Variants in SEC22C observed in about 807,000 individuals in gnomAD.
The protein encoded by SEC22C is SEC22 homolog C, vesicle trafficking protein.
SEC22C carries 29 observed loss-of-function variants against 34.7 expected under a neutral mutation model. The ratio of observed to expected loss-of-function variants is 0.84; its 90% confidence interval spans 0.62 to 1.14. The LOEUF is 1.14. SEC22C is among the 50% of genes most tolerant of loss of function. The pLI, the probability that SEC22C is intolerant of heterozygous loss-of-function variation, is 0.00. For synonymous variants in SEC22C, 117 were observed against 132.8 expected (o/e 0.88, Z 0.82); for missense variants, 337 against 369.0 (o/e 0.91, Z 0.71).
rs1702263391 is a variant in SEC22C at position 42,551,622 on chromosome 3, G to A, written c.*1626C>T. 3.4e-6 allele frequency: 3 copies of A among 890,510 alleles called. No individual in the cohort carries two copies. The African/African-American group carries it at 5.4e-5, about 16-fold the overall frequency. The allele number at this position is 890,510 out of a possible 1,614,324, so 55.2% of individuals were successfully genotyped here. A position where few individuals can be genotyped will look rare whatever the true frequency, so the allele number is the denominator to read the frequency against. On this transcript the variant is annotated 3_prime_UTR_variant, in exon 7 of 7. Transcript: ENST00000264454. ...CAAAGTGCTGGGAATACAGGCATGA[G>A]CCATCATGCCTGGCCCATATCCAAA...
upstream of SEC22C, chr3:42,582,251 C>G (rs1439626272): frequency 6.6e-6 from 1 of 152,262 alleles, no homozygotes. Flanking sequence ...AAGGAGCCTT[C>G]GTGATCTAAG....
At position 42,550,658 on chromosome 3, in the gene SEC22C, T is replaced by G; in HGVS notation, c.*2590A>C. Reference sequence around the variant, plus strand: ...GTAGATGTTAACTGATATCCACACATTCGACCTGGTGTGGATAACATCTCT... The same window carrying G: ...GTAGATGTTAACTGATATCCACACAGTCGACCTGGTGTGGATAACATCTCT... On this transcript the variant is annotated 3_prime_UTR_variant, in exon 7 of 7. Coordinates refer to ENST00000264454, the MANE Select transcript of SEC22C (RefSeq NM_032970.4). 1 of 985,102 alleles carries G rather than the reference T, an allele frequency of 1.0e-6. No homozygotes were observed. Among genetic ancestry groups the G allele is most frequent in the Non-Finnish European group, 1.2e-6 (1 of 829,784 alleles). 61.0% of individuals were successfully genotyped at this position (985,102 alleles called of 1,614,324 possible).
At chr3:42,592,681 A>T (rs1309825701) in intron 1 of SEC22C, among the ~76,000 whole-genome samples, 1 of 152,212 alleles carries the variant, frequency 6.6e-6, no homozygotes, top group African/African-American at 2.4e-5. Context: ...TTTGATTTTT[A>T]AAAGTTTATG....
chr3:42,565,876 C>A, intron 2 of SEC22C: 1 of 456,092 alleles, frequency 2.2e-6, no homozygotes, highest in South Asian at 1.6e-5. Context: ...AGCTATGGTA[C>A]TGCTCACCTG....
In SEC22C at chr3:42,551,207, T is replaced by C. The variant is rs976793381; in HGVS notation, c.*2041A>G. ...TCCCCTCCTTAACTTCCCATTCTAT[T>C]TCACCATCTCTTCAAAATTGTCTCC... On this transcript the variant is annotated 3_prime_UTR_variant, in exon 7 of 7. Transcript: ENST00000264454. 10 of 985,306 alleles carry C rather than the reference T, an allele frequency of 1.0e-5. No individual in the cohort carries two copies. The African/African-American group carries it at 1.7e-4, about 17-fold the overall frequency. The allele number at this position is 985,306 out of a possible 1,614,324, so 61.0% of individuals were successfully genotyped here.
intron 1 of SEC22C, among the ~76,000 whole-genome samples, chr3:42,573,093 C>G (rs566866656): frequency 1.1e-4 from 17 of 152,196 alleles, no homozygotes; most frequent in African/African-American, 3.6e-4. Context: ...CTCATGTGAT[C>G]CTCCCACCTC....
chr3:42,560,218 C>T (rs1702816544), intron 4 of SEC22C, among the ~76,000 whole-genome samples: 1 of 143,906 alleles, frequency 6.9e-6, no homozygotes, highest in Admixed American at 7.1e-5. Flanking sequence ...TAATACCAAT[C>T]TATACAGTTC....
intron 2 of SEC22C, among the ~76,000 whole-genome samples, chr3:42,566,400 G>A (rs1256662763): frequency 1.3e-5 from 2 of 152,202 alleles, no homozygotes; most frequent in African/African-American, 2.4e-5. Flanking sequence ...TTCAAGGCCG[G>A]GTGCGGTGGC....
At position 42,579,107 on chromosome 3, in the gene SEC22C, G is replaced by A. The variant is rs375514829; in HGVS notation, c.-28+2739C>T. 2.0e-3 allele frequency among the ~76,000 whole-genome samples: 311 copies of A among 152,068 alleles called. 1 individual carries two copies. Among genetic ancestry groups the A allele is most frequent in the African/African-American group, 7.0e-3 (292 of 41,464 alleles). On this transcript the variant is annotated intron_variant, in intron 1 of 6. Coordinates refer to ENST00000264454, the MANE Select transcript of SEC22C (RefSeq NM_032970.4). ...AGCCTGACCAACATGGAGAAACCCCGTCTCTACTAAAAATACAAAATTAGC... is the reference window on the plus strand; with the variant it reads ...AGCCTGACCAACATGGAGAAACCCCATCTCTACTAAAAATACAAAATTAGC...
intron 1 of SEC22C, chr3:42,591,321 C>T: frequency 1.7e-6 from 1 of 596,080 alleles, no homozygotes; most frequent in Non-Finnish European, 3.0e-6. Flanking sequence ...GCCTCAGCCT[C>T]CTGAGTAGCT....
At chr3:42,586,474 C>G (rs965053537), upstream of SEC22C, among the ~76,000 whole-genome samples, 1 of 151,998 alleles carries the variant, frequency 6.6e-6, no homozygotes, top group African/African-American at 2.4e-5. Context: ...CTGCCTACCT[C>G]GGCCTCCCAA....
intron 6 of SEC22C, among the ~76,000 whole-genome samples, chr3:42,555,665 C>G (rs1009139957): frequency 3.9e-5 from 6 of 152,178 alleles, no homozygotes; most frequent in Admixed American, 3.9e-4. Flanking sequence ...ATCCAAACTG[C>G]TGGTTTCTGT....
intron 1 of SEC22C, among the ~76,000 whole-genome samples, chr3:42,580,720 T>G (rs1350317304): frequency 1.3e-5 from 2 of 152,208 alleles, no homozygotes; most frequent in Admixed American, 6.5e-5. Context: ...ACTTCCTTAC[T>G]TCAAATATTC....
At chr3:42,598,579 T>C (rs1705110354) in intron 1 of SEC22C, among the ~76,000 whole-genome samples, 1 of 151,956 alleles carries the variant, frequency 6.6e-6, no homozygotes, top group Admixed American at 6.6e-5. Context: ...TCCACCCGCC[T>C]CAGCCTCCCA....
At chr3:42,582,767 G>A (rs1192255481), upstream of SEC22C, among the ~76,000 whole-genome samples, 1 of 152,204 alleles carries the variant, frequency 6.6e-6, no homozygotes, top group African/African-American at 2.4e-5. Flanking sequence ...TAGGCAAAGG[G>A]GAGAGGAAGT....
At chr3:42,581,614 G>C (rs1373255196) in intron 1 of SEC22C, among the ~76,000 whole-genome samples, 2 of 152,400 alleles carry the variant, frequency 1.3e-5, no homozygotes, top group Non-Finnish European at 2.9e-5. Flanking sequence ...GTTCCTGCAG[G>C]CGCGTGCCTT....
intron 2 of SEC22C, among the ~76,000 whole-genome samples, chr3:42,568,412 G>A (rs951283378): frequency 3.3e-5 from 5 of 151,942 alleles, no homozygotes; most frequent in African/African-American, 9.7e-5. Flanking sequence ...CTGACAGGTC[G>A]AGGCAGGTGG....
intron 1 of SEC22C, chr3:42,600,852 G>C: frequency 4.0e-6 from 2 of 494,044 alleles, no homozygotes; most frequent in Non-Finnish European, 6.7e-6. Context: ...GCCTCGTCTT[G>C]GCCTCCTGCG....
intron 1 of SEC22C, among the ~76,000 whole-genome samples, chr3:42,597,542 C>T (rs1443028598): frequency 5.5e-5 from 8 of 144,854 alleles, no homozygotes; most frequent in Admixed American, 7.1e-5. Flanking sequence ...GGCGACGGAG[C>T]GAGACTTTGT....
Sources: allele counts gnomAD v4.1 joint callset (sites outside exome capture counted in the v4.1 genomes callset), GRCh38; gene constraint gnomAD v4.1.1; transcripts MANE v1.5; gene names NCBI Gene and HGNC (gene_info 2026-07-23, HGNC 2026-07-21).